The following DROSHA variants were observed in gnomAD, a reference collection of about 807,000 sequenced individuals.
DROSHA encodes the protein ribonuclease 3.
In DROSHA, 56 loss-of-function variants were observed where a neutral mutation model predicts 181.9. That is an observed-to-expected ratio of 0.31 (90% CI 0.25 to 0.38). The LOEUF (loss-of-function observed/expected upper bound fraction) is 0.38. DROSHA is among the 10% of genes least tolerant of loss of function. DROSHA has a pLI of 1.00. For synonymous variants in DROSHA, 524 were observed against 591.2 expected (o/e 0.89, Z 1.65); for missense variants, 1,218 against 1,743.5 (o/e 0.70, Z 5.37).
rs182635983 is a variant in DROSHA at position 31,506,964 on chromosome 5, G to C, written c.1587+1657C>G. ...ACTGTTGAATTTCTGATAGAAACAG[G>C]TATCCACGGAAATCAGTGTAGAGGC... On this transcript the variant is annotated intron_variant, in intron 10 of 35. Transcript: ENST00000344624. Among the ~76,000 whole-genome samples the C allele has an allele frequency of 1.1e-4, 16 of 152,258 alleles. No individual in the cohort carries two copies. The East Asian group carries it at 3.1e-3, about 29-fold the overall frequency.
At chr5:31,465,948 T>C (rs1748950534) in intron 19 of DROSHA, among the ~76,000 whole-genome samples, 1 of 152,172 alleles carries the variant, frequency 6.6e-6, no homozygotes, top group Non-Finnish European at 1.5e-5. Flanking sequence ...CAGTCTCAGG[T>C]ATTCCTTTAG....
intron 16 of DROSHA, among the ~76,000 whole-genome samples, chr5:31,477,525 T>C (rs1750531970): frequency 6.6e-6 from 1 of 152,222 alleles, no homozygotes; most frequent in African/African-American, 2.4e-5. Flanking sequence ...TACACTTGCC[T>C]CCTGGAAATT....
rs762755765 is a variant in DROSHA, at chr5:31,495,364, C to T, written c.1677G>A (p.Lys559=). The T allele has an allele frequency of 1.2e-5, 19 of 1,613,300 alleles. No individual in the cohort carries two copies. In the East Asian group the frequency reaches 2.0e-4, roughly 17 times the overall value. Residue 559 remains lysine, a synonymous_variant, in exon 12 of 36, where the codon AAG becomes AAA. Transcript: ENST00000344624. The part of the protein sequence containing the change: ...HSIYPGEEAI[K]PCRPMTNNAG... ...CATTGTTGGTCATAGGACGACAGGG[C>T]TTGATGGCCTGAGGGGAAAAAAACG...
chr5:31,495,543 A>C (rs564801108), intron 11 of DROSHA, among the ~76,000 whole-genome samples, 171 bp from the exon 12 acceptor site: 2 of 152,352 alleles, frequency 1.3e-5, no homozygotes, highest in Middle Eastern at 3.4e-3. Context: ...CCAATAAAAA[A>C]GGGCTGGCCA....
intron 30 of DROSHA, among the ~76,000 whole-genome samples, chr5:31,413,034 A>T (rs898976962): frequency 2.6e-5 from 4 of 151,666 alleles, no homozygotes; most frequent in Admixed American, 2.0e-4. Context: ...CTCAGATACA[A>T]CAAGCCCAAC....
intron 16 of DROSHA, among the ~76,000 whole-genome samples, chr5:31,475,751 G>A (rs1202519116): frequency 6.6e-6 from 1 of 152,186 alleles, no homozygotes; most frequent in Non-Finnish European, 1.5e-5. Flanking sequence ...GTTGCTTTGT[G>A]TAAGAATTAG....
intron 13 of DROSHA, among the ~76,000 whole-genome samples, chr5:31,492,694 T>G (rs1441677851): frequency 6.6e-6 from 1 of 152,158 alleles, no homozygotes; most frequent in African/African-American, 2.4e-5. Flanking sequence ...TTGAACCAAT[T>G]ACCAACAAAG....
chr5:31,484,053 A>G, intron 15 of DROSHA, among the ~76,000 whole-genome samples: 1 of 152,184 alleles, frequency 6.6e-6, no homozygotes, highest in South Asian at 2.1e-4. Flanking sequence ...TCACCAATAA[A>G]TAAGTAACTG....
intron 16 of DROSHA, 69 bp from the exon 17 acceptor site, chr5:31,472,301 T>A: frequency 5.5e-6 from 8 of 1,461,578 alleles, no homozygotes; most frequent in Admixed American, 4.9e-5. Flanking sequence ...AATCAACAAC[T>A]GAATAAGGAA....
intron 10 of DROSHA, among the ~76,000 whole-genome samples, chr5:31,507,719 A>G (rs531173869): frequency 6.6e-6 from 1 of 152,352 alleles, no homozygotes; most frequent in East Asian, 1.9e-4. Flanking sequence ...GTGCAACCCC[A>G]TGAATATACT....
intron 27 of DROSHA, among the ~76,000 whole-genome samples, chr5:31,427,646 G>A (rs2149999497): frequency 6.6e-6 from 1 of 152,264 alleles, no homozygotes; most frequent in Admixed American, 6.5e-5. Flanking sequence ...CCACAGCCAA[G>A]AACCTCCTAA....
chr5:31,529,026 A>G lies in DROSHA; in HGVS notation c.20+14T>C. Reference sequence around the variant, plus strand: ...GTTCTCCCAAACTATTGCCATTCCCATCACGGCACTCACCATGTGTTTCCC... The same window carrying G: ...GTTCTCCCAAACTATTGCCATTCCCGTCACGGCACTCACCATGTGTTTCCC... On this transcript the variant is annotated intron_variant, in intron 4 of 35. Transcript: ENST00000344624. 6.2e-7 allele frequency: 1 copy of G among 1,613,164 alleles called. No individual in the cohort carries two copies. Among genetic ancestry groups the G allele is most frequent in the Non-Finnish European group, 8.5e-7 (1 of 1,179,670 alleles).
intron 7 of DROSHA, 78 bp from the exon 8 acceptor site, chr5:31,515,297 T>C (rs535179678): frequency 1.4e-6 from 2 of 1,474,452 alleles, no homozygotes; most frequent in Admixed American, 2.2e-5. Flanking sequence ...ACCTATTTGG[T>C]GCATTTTTCA....
At chr5:31,522,112 G>A (rs200961436) in intron 5 of DROSHA, among the ~76,000 whole-genome samples, 4 of 152,124 alleles carry the variant, frequency 2.6e-5, no homozygotes, top group Non-Finnish European at 5.9e-5. Context: ...GACAGAGATC[G>A]GTGAGTGCTT....
At chr5:31,527,802 G>A (rs976094088) in intron 4 of DROSHA, among the ~76,000 whole-genome samples, 3 of 152,172 alleles carry the variant, frequency 2.0e-5, no homozygotes, top group Non-Finnish European at 4.4e-5. Flanking sequence ...AAGTTACCCA[G>A]TCTATAGCAT....
In DROSHA at chr5:31,410,726, G is replaced by A; in HGVS notation, c.3667+20C>T. ...TAAACTCTGAACCTGGAGGTTGAGA[G>A]AAAAGTGTGTGGCACTCACATTCCA... On this transcript the variant is annotated intron_variant, in intron 31 of 35. Coordinates refer to ENST00000344624, the MANE Select transcript of DROSHA (RefSeq NM_001382508.1). 1 of 1,608,070 alleles carries A rather than the reference G, an allele frequency of 6.2e-7. No homozygotes were observed. The highest frequency in any genetic ancestry group is 8.5e-7 in the Non-Finnish European group (1 of 1,177,276).
chr5:31,509,247 T>TA (rs1303747431), intron 9 of DROSHA, among the ~76,000 whole-genome samples: 24 of 141,810 alleles, frequency 1.7e-4, no homozygotes, highest in Middle Eastern at 3.5e-3. Flanking sequence ...AGCAACACCA[T>TA]AAAAAAAAAA....
chr5:31,526,060 C>T lies in DROSHA; in HGVS notation c.854+19G>A. ...TGGGCCTCTGCAGTTCATTAAAGAA[C>T]TACACACAAGCGGTTTACCTGCTCC... On this transcript the variant is annotated intron_variant, in intron 5 of 35. Transcript: ENST00000344624. 5 of 1,552,284 alleles carry T rather than the reference C, an allele frequency of 3.2e-6. No individual in the cohort carries two copies. The highest frequency in any genetic ancestry group is 4.4e-6 in the Non-Finnish European group (5 of 1,144,270).
intron 18 of DROSHA, chr5:31,467,533 T>G (rs1749216564): frequency 6.6e-6 from 1 of 152,212 alleles, no homozygotes; most frequent in Admixed American, 6.5e-5. Flanking sequence ...CTTGAACTCT[T>G]AAGATGCCCC....
Sources: gnomAD v4.1 joint callset for allele counts (sites outside exome capture counted in the v4.1 genomes callset) on GRCh38, gnomAD v4.1.1 for gene constraint, MANE v1.5 for transcripts, NCBI Gene and HGNC (gene_info 2026-07-23, HGNC 2026-07-21) for gene names.